Variants in FUT8 observed in about 807,000 individuals in gnomAD.
FUT8 encodes the protein alpha-(1,6)-fucosyltransferase.
Under a neutral mutation model 71.3 loss-of-function variants are expected in FUT8, and 29 were observed. The observed-to-expected ratio is 0.41, with a 90% CI of 0.30 to 0.55. The LOEUF is 0.55. Among genes scored for constraint, FUT8 ranks in the 20% least tolerant of loss-of-function variants. The probability of loss-of-function intolerance (pLI) is 0.34; values close to 1 mark genes in which losing one functional copy is unlikely to be tolerated. For missense variants in FUT8, 544 were observed against 702.1 expected (o/e 0.77, Z 2.55); for synonymous variants, 254 against 239.3 (o/e 1.06, Z -0.57).
intron 6 of FUT8, among the ~76,000 whole-genome samples, chr14:65,653,420 A>G (rs544723291): frequency 6.6e-6 from 1 of 152,324 alleles, no homozygotes; most frequent in Non-Finnish European, 1.5e-5. Flanking sequence ...TTATAAAGAT[A>G]TGTTTAATAA....
intron 3 of FUT8, among the ~76,000 whole-genome samples, chr14:65,566,936 A>G (rs1235692571): frequency 6.6e-6 from 1 of 151,914 alleles, no homozygotes; most frequent in Non-Finnish European, 1.5e-5. Flanking sequence ...GTTGCTTCCT[A>G]GAGTTGAAAT....
intron 2 of FUT8, among the ~76,000 whole-genome samples, chr14:65,486,820 G>C (rs1266268382): frequency 6.6e-6 from 1 of 152,168 alleles, no homozygotes; most frequent in Non-Finnish European, 1.5e-5. Context: ...TTACATAGAA[G>C]TATATAGCAG....
intron 3 of FUT8, among the ~76,000 whole-genome samples, chr14:65,562,144 A>G (rs1885947642): frequency 6.6e-6 from 1 of 152,122 alleles, no homozygotes; most frequent in Non-Finnish European, 1.5e-5. Context: ...TAATTTCTCC[A>G]TAGTGGCATC....
rs1276694211 is a variant in FUT8 at position 65,523,798 on chromosome 14, C to T, written c.-227-37539C>T. Among the ~76,000 whole-genome samples the T allele has an allele frequency of 3.9e-5, 6 of 152,178 alleles. No homozygotes were observed. The East Asian group carries it at 9.6e-4, about 24-fold the overall frequency. On this transcript the variant is annotated intron_variant, in intron 2 of 10. Transcript: ENST00000673929. ...GTTTCAGCTTTCTCCATATGGCTAG[C>T]CAGTTTTCCCAGCACCATTTATTAA... is the stretch of plus-strand genomic sequence containing the variant.
intron 7 of FUT8, among the ~76,000 whole-genome samples, chr14:65,717,342 C>T (rs1275273301): frequency 3.5e-5 from 5 of 142,710 alleles, no homozygotes; most frequent in Admixed American, 1.4e-4. Flanking sequence ...ACAGGGCAGC[C>T]GGGCAGAGAC....
intron 1 of FUT8, among the ~76,000 whole-genome samples, chr14:65,426,289 G>C (rs73282293): frequency 2.0e-5 from 3 of 150,286 alleles, no homozygotes; most frequent in African/African-American, 7.3e-5. Context: ...GCAGATAACA[G>C]TGTAAAGGGG....
chr14:65,475,861 T>G (rs2066231009), intron 2 of FUT8, among the ~76,000 whole-genome samples: 1 of 151,954 alleles, frequency 6.6e-6, no homozygotes, highest in Non-Finnish European at 1.5e-5. Flanking sequence ...AACCTCCTTG[T>G]AGGGGGTGAG....
At chr14:65,512,661 AG>A (rs1882428193) in intron 2 of FUT8, among the ~76,000 whole-genome samples, 1 of 152,052 alleles carries the variant, frequency 6.6e-6, no homozygotes, top group Non-Finnish European at 1.5e-5. Context: ...CTGTAATCCC[AG>A]CACTTTGGGA....
At chr14:65,540,968 G>A (rs527888090) in intron 2 of FUT8, among the ~76,000 whole-genome samples, 23 of 152,204 alleles carry the variant, frequency 1.5e-4, no homozygotes, top group Non-Finnish European at 3.1e-4. Flanking sequence ...AAAGCTAGGC[G>A]GCACAGATCA....
intron 3 of FUT8, among the ~76,000 whole-genome samples, chr14:65,611,303 C>CACACACACACACA (rs1566851612): frequency 9.4e-5 from 4 of 42,544 alleles, no homozygotes; most frequent in African/African-American, 4.7e-4. Flanking sequence ...ACACACACAC[C>CACACACACACACA]CCCCAAGTAA....
the FUT8 span, among the ~76,000 whole-genome samples, chr14:65,405,116 T>C: frequency 2.6e-5 from 4 of 152,156 alleles, no homozygotes; most frequent in Non-Finnish European, 5.9e-5. Flanking sequence ...AGGGCTCCAG[T>C]CATCACATCA....
Position 65,494,215 on chromosome 14 carries a change from ATGTAT to A in FUT8, c.-228+38499_-228+38503del, listed in dbSNP as rs3837620. On this transcript the variant is annotated intron_variant, in intron 2 of 10. Coordinates refer to ENST00000673929, the MANE Select transcript of FUT8 (RefSeq NM_001371533.1). ...AAATTGGTTTCAGTTATTTAACGTA[ATGTAT>A]TCAAAATATTTCAACAACTAATCAA... Among the ~76,000 whole-genome samples the A allele has an allele frequency of 5.7e-3, 868 of 152,284 alleles. 28 individuals are homozygous for A. The East Asian group carries it at 0.092, about 16-fold the overall frequency.
intron 2 of FUT8, among the ~76,000 whole-genome samples, chr14:65,470,943 G>A (rs1333380951): frequency 6.6e-6 from 1 of 151,946 alleles, no homozygotes; most frequent in Non-Finnish European, 1.5e-5. Flanking sequence ...GAAAGCCACC[G>A]CCATCACTAT....
chr14:65,695,306 G>GT (rs138398759), intron 7 of FUT8, among the ~76,000 whole-genome samples: 1 of 152,238 alleles, frequency 6.6e-6, no homozygotes, highest in East Asian at 1.9e-4. Context: ...TTGCAATTCT[G>GT]TAAGTTTTTA....
At chr14:65,690,629 A>C (rs1423396232) in intron 7 of FUT8, among the ~76,000 whole-genome samples, 1 of 144,798 alleles carries the variant, frequency 6.9e-6, no homozygotes, top group Non-Finnish European at 1.5e-5. Flanking sequence ...TCATCCCTTT[A>C]TCTCTCTCTC....
At chr14:65,426,569 C>T (rs1039301173) in intron 1 of FUT8, among the ~76,000 whole-genome samples, 9 of 152,256 alleles carry the variant, frequency 5.9e-5, no homozygotes, top group Admixed American at 4.6e-4. Flanking sequence ...TTAACAAAGT[C>T]TGTATGGAAT....
At chr14:65,399,083 C>A in the FUT8 span, among the ~76,000 whole-genome samples, 1 of 152,154 alleles carries the variant, frequency 6.6e-6, no homozygotes, top group African/African-American at 2.4e-5. Flanking sequence ...TTTTGGGAGG[C>A]CAAAGTGGGT....
At chr14:65,590,204 G>A (rs1241410384) in intron 3 of FUT8, among the ~76,000 whole-genome samples, 1 of 152,046 alleles carries the variant, frequency 6.6e-6, no homozygotes, top group African/African-American at 2.4e-5. Flanking sequence ...ATCATTTGAT[G>A]ACCATGAGTT....
At chr14:65,592,723 G>C (rs912229416) in intron 3 of FUT8, among the ~76,000 whole-genome samples, 1 of 151,998 alleles carries the variant, frequency 6.6e-6, no homozygotes, top group Non-Finnish European at 1.5e-5. Context: ...AATCCCTATT[G>C]ATCTGCAGTC....
Sources: allele counts gnomAD v4.1 joint callset (sites outside exome capture counted in the v4.1 genomes callset), GRCh38; gene constraint gnomAD v4.1.1; transcripts MANE v1.5; gene names NCBI Gene and HGNC (gene_info 2026-07-23, HGNC 2026-07-21).